Variants in RORB observed in about 807,000 individuals in gnomAD.
RORB encodes the protein RAR related orphan receptor B, also known as nuclear receptor ROR-beta.
Under a neutral mutation model 59.1 loss-of-function variants are expected in RORB, and 6 were observed. The ratio of observed to expected loss-of-function variants is 0.10; its 90% CI spans 0.06 to 0.20. The LOEUF is 0.20. Ranked by LOEUF, RORB falls within the 10% of genes least tolerant of loss-of-function variation. The pLI is 1.00. For missense variants in RORB, 320 were observed against 560.5 expected (o/e 0.57, Z 4.33); for synonymous variants, 215 against 204.5 (o/e 1.05, Z -0.44).
intron 4 of RORB, among the ~76,000 whole-genome samples, chr9:74,655,830 G>A (rs931723768): frequency 1.3e-5 from 2 of 152,120 alleles, no homozygotes; most frequent in Admixed American, 6.6e-5. Flanking sequence ...GCTGTACCGC[G>A]TCTTGTAACA....
At chr9:74,646,205 A>C (rs545870261) in intron 4 of RORB, among the ~76,000 whole-genome samples, 1 of 152,286 alleles carries the variant, frequency 6.6e-6, no homozygotes, top group South Asian at 2.1e-4. Context: ...TAAGAGAATA[A>C]TGAAATGTAT....
Position 74,563,255 on chromosome 9 carries a change from G to T in RORB, c.7+65272G>T, listed in dbSNP as rs186246626. ...GGCTGGAGTGCAGTAGCACAATCTC[G>T]GCTCACTGCAACTTCCAACTCCCAG... On this transcript the variant is annotated intron_variant, in intron 1 of 9. Transcript: ENST00000376896. Among the ~76,000 whole-genome samples, 356 of 147,092 alleles carry T rather than the reference G, an allele frequency of 2.4e-3. 1 individual carries two copies. The highest frequency in any genetic ancestry group is 4.4e-3 in the Non-Finnish European group (295 of 67,508).
At chr9:74,512,123 A>T (rs1825948113) in intron 1 of RORB, among the ~76,000 whole-genome samples, 1 of 152,184 alleles carries the variant, frequency 6.6e-6, no homozygotes, top group Non-Finnish European at 1.5e-5. Context: ...AATTGGGGAA[A>T]TTTATTTTAA....
chr9:74,612,547 G>T (rs1823247079), intron 1 of RORB, among the ~76,000 whole-genome samples: 1 of 152,252 alleles, frequency 6.6e-6, no homozygotes. Context: ...CTCCAACTCT[G>T]CCCTTTGTTT....
chr9:74,518,710 A>T (rs1000516430), intron 1 of RORB, among the ~76,000 whole-genome samples: 14 of 151,912 alleles, frequency 9.2e-5, no homozygotes, highest in African/African-American at 3.4e-4. Context: ...GTTTTCGGTT[A>T]TTTTAGTTTT....
At chr9:74,682,509 G>A (rs1410225773) in intron 9 of RORB, among the ~76,000 whole-genome samples, 2 of 151,850 alleles carry the variant, frequency 1.3e-5, no homozygotes, top group Non-Finnish European at 2.9e-5. Context: ...GACAGAAATA[G>A]GATTCAAACC....
At chr9:74,608,290 G>C (rs186765660) in intron 1 of RORB, among the ~76,000 whole-genome samples, 3 of 152,094 alleles carry the variant, frequency 2.0e-5, no homozygotes, top group Non-Finnish European at 2.9e-5. Context: ...TCTGGGCCGG[G>C]AGCGGTGGCT....
At chr9:74,648,984 T>C (rs1266556025) in intron 4 of RORB, among the ~76,000 whole-genome samples, 1 of 151,796 alleles carries the variant, frequency 6.6e-6, no homozygotes, top group Non-Finnish European at 1.5e-5. Flanking sequence ...TTTTTTTTTT[T>C]CGACGGAGTC....
chr9:74,548,108 A>G (rs1483313630), intron 1 of RORB, among the ~76,000 whole-genome samples: 1 of 152,006 alleles, frequency 6.6e-6, no homozygotes, highest in Non-Finnish European at 1.5e-5. Flanking sequence ...TCAAAAAATG[A>G]CTCCCCATGT....
chr9:74,631,085 C>T (rs1324953281), intron 2 of RORB, among the ~76,000 whole-genome samples: 5 of 152,200 alleles, frequency 3.3e-5, no homozygotes, highest in African/African-American at 1.2e-4. Flanking sequence ...ACTCATCCTT[C>T]CCGTGGCAAA....
intron 1 of RORB, among the ~76,000 whole-genome samples, chr9:74,584,199 T>A (rs1469844250): frequency 6.6e-6 from 1 of 152,202 alleles, no homozygotes; most frequent in Non-Finnish European, 1.5e-5. Flanking sequence ...CCCTGTGCGG[T>A]CTTACCAATT....
intron 1 of RORB, 100 bp from the exon 2 acceptor site, chr9:74,630,182 A>G (rs1351398753): frequency 6.8e-7 from 1 of 1,472,160 alleles, no homozygotes; most frequent in African/African-American, 1.4e-5. Flanking sequence ...GTATTTTCAA[A>G]TACAAACATC....
chr9:74,546,229 A>G (rs1826488276), intron 1 of RORB, among the ~76,000 whole-genome samples: 1 of 152,214 alleles, frequency 6.6e-6, no homozygotes, highest in Non-Finnish European at 1.5e-5. Context: ...AAAATGGTAG[A>G]AATCTGGGTT....
intron 4 of RORB, among the ~76,000 whole-genome samples, chr9:74,654,329 CA>C (rs1824043113): frequency 8.0e-6 from 1 of 124,284 alleles, no homozygotes; most frequent in Non-Finnish European, 1.7e-5. Context: ...TTTACAGTCT[CA>C]GGGGAGAGAG....
At chr9:74,517,606 A>T (rs2118059157) in intron 1 of RORB, among the ~76,000 whole-genome samples, 1 of 152,200 alleles carries the variant, frequency 6.6e-6, no homozygotes, top group African/African-American at 2.4e-5. Flanking sequence ...CAGACATTTT[A>T]ATCTAATTTT....
chr9:74,537,358 C>T (rs1013054976), intron 1 of RORB, among the ~76,000 whole-genome samples: 1 of 151,886 alleles, frequency 6.6e-6, no homozygotes, highest in Admixed American at 6.6e-5. Flanking sequence ...CTTTCTAGTT[C>T]TTAAACTTTT....
At chr9:74,600,096 C>A (rs6560401) in intron 1 of RORB, among the ~76,000 whole-genome samples, 118,274 of 152,058 alleles carry the variant, frequency 0.78, 46,403 homozygotes, top group East Asian at 0.92. Flanking sequence ...CACTTAGGGC[C>A]GCTCTGGACA....
intron 1 of RORB, among the ~76,000 whole-genome samples, chr9:74,538,173 C>A (rs1826349735): frequency 3.3e-5 from 5 of 152,074 alleles, no homozygotes; most frequent in Admixed American, 2.6e-4. Context: ...AATAGTTAAA[C>A]CATATAGCCT....
Position 74,584,299 on chromosome 9 carries a change from G to A in RORB, c.8-45983G>A, listed in dbSNP as rs535389249. 9.0e-4 allele frequency among the ~76,000 whole-genome samples: 137 copies of A among 152,212 alleles called. 4 individuals are homozygous for A. In the South Asian group the frequency reaches 0.028, roughly 31 times the overall value. ...TGATGGAGTGGTAGAGAGTTCCTTG[G>A]GAGCCAGTCTGTCTGGAGTTGTACT... On this transcript the variant is annotated intron_variant, in intron 1 of 9. Coordinates refer to ENST00000376896, the MANE Select transcript of RORB (RefSeq NM_006914.4).
Sources: allele counts gnomAD v4.1 joint callset (sites outside exome capture counted in the v4.1 genomes callset), GRCh38; gene constraint gnomAD v4.1.1; transcripts MANE v1.5; gene names NCBI Gene and HGNC (gene_info 2026-07-23, HGNC 2026-07-21).